NBEAL1: variants seen among roughly 807,000 people sequenced by gnomAD.
The protein encoded by NBEAL1 is neurobeachin-like protein 1.
A neutral mutation model predicts 351.3 loss-of-function variants in NBEAL1; 273 were observed. The ratio of observed to expected loss-of-function variants is 0.78; its 90% confidence interval spans 0.70 to 0.86. NBEAL1 has a LOEUF of 0.86. Ranked by LOEUF, NBEAL1 falls within the 40% of genes least tolerant of loss-of-function variation. The probability of loss-of-function intolerance (pLI) is 0.00; values close to 1 mark genes in which losing one functional copy is unlikely to be tolerated. For missense variants in NBEAL1, 2,961 were observed against 3,201.3 expected (o/e 0.92, Z 1.81); for synonymous variants, 1,050 against 1,086.4 (o/e 0.97, Z 0.66).
In NBEAL1 at chr2:203,188,624, T is replaced by G. The variant is rs2064982109; in HGVS notation, c.6823+35T>G. The G allele has an allele frequency of 2.5e-6, 3 of 1,222,134 alleles. No individual in the cohort carries two copies. In the East Asian group the frequency reaches 7.0e-5, roughly 29 times the overall value. The allele number at this position is 1,222,134 out of a possible 1,614,324, so 75.7% of individuals were successfully genotyped here. On this transcript the variant is annotated intron_variant, in intron 45 of 55. Transcript: ENST00000683969. ...TATACACTTTTTCTCTTGCTTTACC[T>G]TGATAGAAACTGTTGTTTAATATAT...
chr2:203,214,350 C>T (rs1245209811), intron 55 of NBEAL1, among the ~76,000 whole-genome samples: 9 of 152,214 alleles, frequency 5.9e-5, no homozygotes, highest in Non-Finnish European at 1.2e-4. Flanking sequence ...AAGAAATTAC[C>T]GTCACACAGT....
In NBEAL1 at chr2:203,169,823, A is replaced by G. The variant is rs1286230573; in HGVS notation, c.6074A>G (p.Glu2025Gly). The G allele has an allele frequency of 6.2e-7, 1 of 1,607,356 alleles. No individual in the cohort carries two copies. Among genetic ancestry groups the G allele is most frequent in the Non-Finnish European group, 8.5e-7 (1 of 1,175,888 alleles). ...TATTATGGAAGCAGATCACCACAGG[A>G]GTTATTCAAAGCATCAGGATTGACA... ...NSYYGSRSPQ[E>G]LFKASGLTQK... Residue 2025 changes from glutamate to glycine, a missense_variant, in exon 39 of 56, where the codon GAG becomes GGG. Coordinates refer to ENST00000683969, the MANE Select transcript of NBEAL1 (RefSeq NM_001378026.1).
chr2:203,135,935 T>C lies in NBEAL1; in HGVS notation c.4072T>C (p.Trp1358Arg). 2 of 1,614,154 alleles carry C rather than the reference T, an allele frequency of 1.2e-6. No homozygotes were observed. Among genetic ancestry groups the C allele is most frequent in the Non-Finnish European group, 1.7e-6 (2 of 1,180,004 alleles). ...CTCAGCTAATGTGTCTTCGGATCAG[T>C]GGAGTTTGGAGGATAGACACTCTTT... ...FASANVSSDQ[W>R]SLEDRHSLDS... The change falls in exon 28 of 56, where the codon TGG becomes CGG. Residue 1358 changes from tryptophan (W) to arginine (R), a missense_variant. Physicochemically the swap from Trp to Arg is moderately radical, Grantham distance 101 (BLOSUM62 -3). Transcript: ENST00000683969.
rs556175401 is a variant in NBEAL1, at chr2:203,134,530, C to G, written c.3814-1147C>G. Among the ~76,000 whole-genome samples, 6 of 152,190 alleles carry G rather than the reference C, an allele frequency of 3.9e-5. No individual in the cohort carries two copies. In the South Asian group the frequency reaches 1.2e-3, roughly 31 times the overall value. On this transcript the variant is annotated intron_variant, in intron 27 of 55. Transcript: ENST00000683969. ...AAGTCCTTACCAACATTGTTCATCT[C>G]TTGCTCTGAAAATTGTCAGAGCTAA...
Position 203,217,574 on chromosome 2 carries a change from G to T in NBEAL1, c.*220G>T. The T allele has an allele frequency of 8.8e-7, 1 of 1,133,246 alleles. No homozygotes were observed. Among genetic ancestry groups the T allele is most frequent in the Non-Finnish European group, 1.1e-6 (1 of 919,630 alleles). 70.2% of individuals were successfully genotyped at this position (1,133,246 alleles called of 1,614,324 possible). ...TTGATTTTGTGGCCCATTCCTAAAGGTCATTGTATCCATTTTTAAAACAAA... is the reference window on the plus strand; with the variant it reads ...TTGATTTTGTGGCCCATTCCTAAAGTTCATTGTATCCATTTTTAAAACAAA... On this transcript the variant is annotated 3_prime_UTR_variant, in exon 56 of 56. Coordinates refer to ENST00000683969, the MANE Select transcript of NBEAL1 (RefSeq NM_001378026.1).
intron 4 of NBEAL1, among the ~76,000 whole-genome samples, chr2:203,052,887 T>C (rs1249608458): frequency 2.0e-5 from 3 of 152,064 alleles, no homozygotes; most frequent in Admixed American, 1.3e-4. Flanking sequence ...CACCTGGTCC[T>C]CCTCCATGTG....
chr2:203,090,270 T>C (rs1373637316), intron 10 of NBEAL1, among the ~76,000 whole-genome samples: 1 of 152,194 alleles, frequency 6.6e-6, no homozygotes, highest in Non-Finnish European at 1.5e-5. Flanking sequence ...CCATGAACTC[T>C]AGGTTTTTAG....
In NBEAL1 at chr2:203,219,831, T is replaced by G. The variant is rs535501896; in HGVS notation, c.*2477T>G. 2.6e-5 allele frequency: 4 copies of G among 151,150 alleles called. No individual in the cohort carries two copies. In the East Asian group the frequency reaches 7.8e-4, roughly 30 times the overall value. 9.4% of individuals were successfully genotyped at this position (151,150 alleles called of 1,614,324 possible). A position where few individuals can be genotyped will look rare whatever the true frequency, so the allele number is the denominator to read the frequency against. On this transcript the variant is annotated 3_prime_UTR_variant, in exon 56 of 56. Coordinates refer to ENST00000683969, the MANE Select transcript of NBEAL1 (RefSeq NM_001378026.1). The stretch of plus-strand genomic sequence containing the variant: ...TGAGATCACGCTACTGCACTCCAGC[T>G]TGGGCAACAGAGTGAGACTTTGTCT...
At chr2:203,054,461 G>A (rs1343593314) in intron 4 of NBEAL1, among the ~76,000 whole-genome samples, 2 of 150,034 alleles carry the variant, frequency 1.3e-5, no homozygotes, top group African/African-American at 4.9e-5. Flanking sequence ...TCAAATTATT[G>A]TCTTGCTACG....
intron 2 of NBEAL1, chr2:203,040,787 G>A (rs10165852): frequency 1.9e-6 from 1 of 537,372 alleles, no homozygotes; most frequent in South Asian, 1.6e-5. Context: ...TGTGATCTTG[G>A]CTCACTGCAA....
chr2:203,133,733 GAAT>G (rs1371737856), intron 27 of NBEAL1, among the ~76,000 whole-genome samples: 1 of 149,838 alleles, frequency 6.7e-6, no homozygotes, highest in Non-Finnish European at 1.5e-5. Flanking sequence ...GTGTGTGTGA[GAAT>G]AAGAGATCTC....
chr2:203,098,467 A>G (rs1204155813), intron 11 of NBEAL1, among the ~76,000 whole-genome samples: 2 of 152,220 alleles, frequency 1.3e-5, no homozygotes, highest in African/African-American at 4.8e-5. Flanking sequence ...GTAGATTAAT[A>G]AAACAATTAT....
chr2:203,042,030 C>T (rs2061150347), intron 3 of NBEAL1, among the ~76,000 whole-genome samples, 174 bp downstream of exon 3: 1 of 152,168 alleles, frequency 6.6e-6, no homozygotes, highest in South Asian at 2.1e-4. Flanking sequence ...CTTGATGATG[C>T]CAGACCTGGC....
In NBEAL1 at chr2:203,144,997, A is replaced by T; in HGVS notation, c.5155-14A>T. ...ATATTAAATTTTATGTATCTTTTTT[A>T]TTTTTTTGGTAAGATTGTACCTTAT... On this transcript the variant is annotated splice_polypyrimidine_tract_variant and intron_variant, in intron 32 of 55. Coordinates refer to ENST00000683969, the MANE Select transcript of NBEAL1 (RefSeq NM_001378026.1). The T allele has an allele frequency of 6.5e-7, 1 of 1,527,208 alleles. No homozygotes were observed. Among genetic ancestry groups the T allele is most frequent in the Middle Eastern group, 1.7e-4 (1 of 5,776 alleles). The allele number at this position is 1,527,208 out of a possible 1,614,324, so 94.6% of individuals were successfully genotyped here.
intron 9 of NBEAL1, 52 bp from the exon 10 acceptor site, chr2:203,084,411 A>G (rs182696035): frequency 3.2e-5 from 29 of 914,376 alleles, no homozygotes; most frequent in African/African-American, 2.8e-4. Context: ...AAATGTTTGT[A>G]TGATCCCAAA....
intron 10 of NBEAL1, among the ~76,000 whole-genome samples, chr2:203,088,836 T>C (rs1236350126): frequency 6.6e-6 from 1 of 152,188 alleles, no homozygotes; most frequent in Non-Finnish European, 1.5e-5. Context: ...ACTTGGGAGA[T>C]TGGGAACAAG....
chr2:203,205,988 A>C (rs2065542953), intron 51 of NBEAL1, among the ~76,000 whole-genome samples: 1 of 152,282 alleles, frequency 6.6e-6, no homozygotes, highest in African/African-American at 2.4e-5. Flanking sequence ...AAATACAAAT[A>C]GCAACTATTC....
Position 203,104,854 on chromosome 2 carries a change from T to C in NBEAL1, c.1270-2566T>C, listed in dbSNP as rs1360366866. Among the ~76,000 whole-genome samples, 4 of 151,954 alleles carry C rather than the reference T, an allele frequency of 2.6e-5. No homozygotes were observed. In the East Asian group the frequency reaches 7.7e-4, roughly 29 times the overall value. Reference sequence around the variant, plus strand: ...ATTCTTTGGAATTTCTTTTTTTTCTTTTTTCTTTCTTTCTTTTTTTTTTGA... The same window carrying C: ...ATTCTTTGGAATTTCTTTTTTTTCTCTTTTCTTTCTTTCTTTTTTTTTTGA... On this transcript the variant is annotated intron_variant, in intron 12 of 55. Transcript: ENST00000683969.
At chr2:203,139,054 AC>A (rs2063296910) in intron 31 of NBEAL1, among the ~76,000 whole-genome samples, 1 of 152,086 alleles carries the variant, frequency 6.6e-6, no homozygotes, top group South Asian at 2.1e-4. Flanking sequence ...GCCTGTGTAG[AC>A]TGTTTATATA....
Sources: allele counts gnomAD v4.1 joint callset (sites outside exome capture counted in the v4.1 genomes callset), GRCh38; gene constraint gnomAD v4.1.1; transcripts MANE v1.5; gene names NCBI Gene and HGNC (gene_info 2026-07-23, HGNC 2026-07-21).